SLC5A6: variants seen among roughly 807,000 people sequenced by gnomAD.
The protein encoded by SLC5A6 is solute carrier family 5 member 6.
SLC5A6 carries 31 observed loss-of-function variants against 67.9 expected under a neutral mutation model. The ratio of observed to expected loss-of-function variants is 0.46; its 90% CI spans 0.34 to 0.62. The LOEUF (loss-of-function observed/expected upper bound fraction) is 0.62. SLC5A6 is among the 20% of genes least tolerant of loss of function. SLC5A6 has a pLI of 0.01. For missense variants in SLC5A6, 673 were observed against 812.8 expected, an observed-to-expected ratio of 0.83 and a Z score of 2.09; for synonymous variants, 343 against 331.0, an observed-to-expected ratio of 1.04 and a Z score of -0.39.
In SLC5A6 at chr2:27,201,688, TCAGTGTGGTCA is replaced by T. The variant is rs777004667; in HGVS notation, c.1511_1521del (p.Val504AspfsTer91). ...TACTTGGAGAAGGTAGTCAAGGGCA[TCAGTGTGGTCA>T]CAGTGGCAACGGTTAGATTGGTGGG... On this transcript the variant is annotated frameshift_variant, in exon 14 of 17. Transcript: ENST00000310574. LOFTEE classifies it high-confidence loss of function. 1 of 1,614,096 alleles carries T rather than the reference TCAGTGTGGTCA, an allele frequency of 6.2e-7. No homozygotes were observed.
intron 16 of SLC5A6, 102 bp from the exon 17 acceptor site, chr2:27,200,681 G>C: frequency 7.9e-7 from 1 of 1,264,592 alleles, no homozygotes; most frequent in Non-Finnish European, 1.1e-6. Context: ...AGCCCAGCAA[G>C]GCTGGGTTCG....
chr2:27,202,600 C>T (rs1673741596), intron 12 of SLC5A6, among the ~76,000 whole-genome samples: 1 of 150,518 alleles, frequency 6.6e-6, no homozygotes, highest in South Asian at 2.1e-4. Context: ...GAGGCTGATC[C>T]TTAGCTCTCT....
At chr2:27,211,092 G>GC (rs1674458867) in intron 2 of SLC5A6, among the ~76,000 whole-genome samples, 1 of 152,210 alleles carries the variant, frequency 6.6e-6, no homozygotes, top group Non-Finnish European at 1.5e-5. Context: ...GGATCGCATT[G>GC]ACTCCTACAA....
chr2:27,205,934 A>G, intron 6 of SLC5A6, 92 bp downstream of exon 6: 2 of 971,916 alleles, frequency 2.1e-6, no homozygotes, highest in Non-Finnish European at 3.3e-6. Flanking sequence ...CCTCATCTAT[A>G]TTCTCAGCTT....
chr2:27,207,913 A>G lies in SLC5A6; in HGVS notation c.-140-123T>C, dbSNP rs1275528. The G allele has an allele frequency of 0.65, 329,889 of 506,224 alleles. 114,326 individuals carry two copies. The highest frequency in any genetic ancestry group is 0.88 in the East Asian group (28,424 of 32,346). 31.4% of individuals were successfully genotyped at this position (506,224 alleles called of 1,614,324 possible). ...GCATAGTGGTAGCCCTTCAAGGTCT[A>G]GAGGCCCTGGTATGGGTTTGGTAGG... On this transcript the variant is annotated intron_variant, in intron 2 of 16. Transcript: ENST00000310574. This position sits in a 1 kb window ranked among gnomAD's most constrained non-coding sequence, Gnocchi z 5.5.
intron 16 of SLC5A6, 34 bp downstream of exon 16, chr2:27,200,964 G>A: frequency 1.5e-6 from 2 of 1,367,556 alleles, no homozygotes; most frequent in Non-Finnish European, 2.1e-6. Context: ...TGTGGAGAAG[G>A]GCAGGGAGGG....
At chr2:27,205,182 G>C in intron 7 of SLC5A6, 168 bp downstream of exon 7, 1 of 737,934 alleles carries the variant, frequency 1.4e-6, no homozygotes, top group South Asian at 1.9e-5. Context: ...AACACTAGCC[G>C]GGCACCTGTA....
intron 8 of SLC5A6, 41 bp from the exon 9 acceptor site, chr2:27,204,631 C>A: frequency 6.2e-7 from 1 of 1,610,082 alleles, no homozygotes; most frequent in Non-Finnish European, 8.5e-7. Flanking sequence ...CCGGCGTTAA[C>A]AGACACCCTC....
Position 27,212,200 on chromosome 2 carries a change from G to T in SLC5A6, c.-388C>A. The stretch of plus-strand genomic sequence containing the variant: ...CCAGTATCCCCGAAAGAGGGCTAGG[G>T]CGCATGAAGACCAGCGCAGAGCTCC... On this transcript the variant is annotated 5_prime_UTR_variant, in exon 1 of 17. Transcript: ENST00000310574. 2 of 1,553,908 alleles carry T rather than the reference G, an allele frequency of 1.3e-6. No homozygotes were observed. The highest frequency in any genetic ancestry group is 1.7e-6 in the Non-Finnish European group (2 of 1,149,298).
intron 10 of SLC5A6, 88 bp from the exon 11 acceptor site, chr2:27,203,433 G>C: frequency 1.7e-6 from 2 of 1,174,232 alleles, no homozygotes; most frequent in South Asian, 1.4e-5. Flanking sequence ...TCCTAAAGCG[G>C]GGAGATGACA....
upstream of SLC5A6, chr2:27,212,334 G>C (rs1366628233): frequency 6.5e-7 from 1 of 1,549,324 alleles, no homozygotes; most frequent in African/African-American, 1.4e-5. Context: ...GCGGGGCCGG[G>C]TCGCGCGAGC....
Position 27,207,841 on chromosome 2 carries a change from C to T in SLC5A6, c.-140-51G>A. ...GGCCTATCTGGCCTTGGTAGCCATT[C>T]ACCCTTGGGCCTTGTACATCGCATG... On this transcript the variant is annotated intron_variant, in intron 2 of 16. Coordinates refer to ENST00000310574, the MANE Select transcript of SLC5A6 (RefSeq NM_021095.4). The surrounding 1 kb of genome is among the most constrained non-coding windows in gnomAD (Gnocchi z 5.5). 2 of 607,368 alleles carry T rather than the reference C, an allele frequency of 3.3e-6. No homozygotes were observed. Among genetic ancestry groups the T allele is most frequent in the Non-Finnish European group, 2.9e-6 (1 of 345,082 alleles). The allele number at this position is 607,368 out of a possible 1,614,324, so 37.6% of individuals were successfully genotyped here.
chr2:27,212,486 G>A, upstream of SLC5A6: 1 of 1,556,026 alleles, frequency 6.4e-7, no homozygotes. Flanking sequence ...GCAAGTTTGA[G>A]GTCGGGCTGA....
Position 27,207,207 on chromosome 2 carries a change from T to A in SLC5A6, c.393+51A>T, listed in dbSNP as rs747964266. 1.9e-6 allele frequency: 3 copies of A among 1,590,144 alleles called. No homozygotes were observed. In the Admixed American group the frequency reaches 5.1e-5, roughly 27 times the overall value. On this transcript the variant is annotated intron_variant, in intron 3 of 16. Coordinates refer to ENST00000310574, the MANE Select transcript of SLC5A6 (RefSeq NM_021095.4). This position sits in a 1 kb window ranked among gnomAD's most constrained non-coding sequence, Gnocchi z 5.5. The stretch of plus-strand genomic sequence containing the variant: ...GTCCTTCCTATGTGCCTGTCCCTCC[T>A]CTCCACCCCAACCCGTGTCCCACGC...
intron 9 of SLC5A6, 35 bp downstream of exon 9, chr2:27,204,426 C>T (rs760463112): frequency 3.8e-6 from 6 of 1,589,178 alleles, no homozygotes; most frequent in Non-Finnish European, 5.2e-6. Context: ...TGGGGCCAGG[C>T]CTGCCCTCAT....
At chr2:27,212,586 C>A (rs1026448265), upstream of SLC5A6, 1 of 1,455,116 alleles carries the variant, frequency 6.9e-7, no homozygotes, top group African/African-American at 1.5e-5. Context: ...GTCCCTGACG[C>A]TTCCCGACCC....
rs2147996792 is a variant in SLC5A6 at position 27,203,001 on chromosome 2, T to C, written c.1208-121A>G. 2.6e-6 allele frequency: 4 copies of C among 1,540,104 alleles called. No individual in the cohort carries two copies. The East Asian group carries it at 6.8e-5, about 26-fold the overall frequency. On this transcript the variant is annotated intron_variant, in intron 11 of 16. Coordinates refer to ENST00000310574, the MANE Select transcript of SLC5A6 (RefSeq NM_021095.4). ...TGTCTCTCTGGAAACAAAAGGCATA[T>C]TACATCACGCCCCAGCTTCCTCCCA...
rs1365080494 is a variant in SLC5A6, at chr2:27,207,618, AAG to A, written c.31_32del (p.Leu11PhefsTer47). 1 of 1,614,070 alleles carries A rather than the reference AAG, an allele frequency of 6.2e-7. No individual in the cohort carries two copies. The stretch of plus-strand genomic sequence containing the variant: ...CCACGCTTGTGCCCGAGGTTGGGGA[AAG>A]AGGGGCTGAGGTGCTCACCCCTACA... Reference protein sequence around the residue: MSVGVSTSAPLSPTSGTSVGM... With the variant: MSVGVSTSAPXSPTSGTSVGM... On this transcript the variant is annotated frameshift_variant, in exon 3 of 17. Transcript: ENST00000310574. LOFTEE classifies it high-confidence loss of function. This position sits in a 1 kb window ranked among gnomAD's most constrained non-coding sequence, Gnocchi z 5.5.
At chr2:27,210,719 C>A (rs558967113) in intron 2 of SLC5A6, among the ~76,000 whole-genome samples, 2 of 151,854 alleles carry the variant, frequency 1.3e-5, no homozygotes, top group South Asian at 4.2e-4. Context: ...CTGGCCACCG[C>A]GCCAGGCCAA....
Sources: gnomAD v4.1 joint callset for allele counts (sites outside exome capture counted in the v4.1 genomes callset) on GRCh38, gnomAD v4.1.1 for gene constraint, Gnocchi (gnomAD v3.1) non-coding constraint, MANE v1.5 for transcripts, NCBI Gene and HGNC (gene_info 2026-07-23, HGNC 2026-07-21) for gene names.